Variants in SLC29A4 observed in about 807,000 individuals in gnomAD.
SLC29A4 encodes equilibrative nucleoside transporter 4.
In SLC29A4, 36 loss-of-function variants were observed where a neutral mutation model predicts 43.9. The observed-to-expected ratio is 0.82, with a 90% CI of 0.63 to 1.08. SLC29A4 has a LOEUF of 1.08. Among genes scored for constraint, SLC29A4 ranks in the 50% least tolerant of loss-of-function variants. SLC29A4 has a pLI of 0.00. For missense variants in SLC29A4, 869 were observed against 755.3 expected (o/e 1.15, Z -1.77); for synonymous variants, 491 against 338.0 (o/e 1.45, Z -4.97).
chr7:5,290,792 C>G lies in SLC29A4; in HGVS notation c.230C>G (p.Ala77Gly). The G allele has an allele frequency of 6.2e-7, 1 of 1,614,084 alleles. No individual in the cohort carries two copies. The highest frequency in any genetic ancestry group is 8.5e-7 in the Non-Finnish European group (1 of 1,179,970). The change falls in exon 3 of 11, where the codon GCT becomes GGT. Residue 77 changes from alanine (A) to glycine (G), a missense_variant. Physicochemically the swap from Ala to Gly is moderately conservative, Grantham distance 60. Transcript: ENST00000396872. ...YHAIYFAMLL[A>G]GVGFLLPYNS... ...GCCATCTACTTTGCGATGCTGCTGGCTGGCGTGGGCTTCCTGCTGCCATAC... is the reference window on the plus strand; with the variant it reads ...GCCATCTACTTTGCGATGCTGCTGGGTGGCGTGGGCTTCCTGCTGCCATAC...
chr7:5,290,826 C>T lies in SLC29A4; in HGVS notation c.264C>T (p.Phe88=), dbSNP rs1479729482. Residue 88 remains phenylalanine, a synonymous_variant, in exon 3 of 11, where the codon TTC becomes TTT. Transcript: ENST00000396872. ...GVGFLLPYNS[F]ITDVDYLHHK... The stretch of plus-strand genomic sequence containing the variant: ...GCTTCCTGCTGCCATACAACAGCTT[C>T]ATCACGGACGTGGACTACCTGCATC... The T allele has an allele frequency of 1.9e-6, 3 of 1,613,910 alleles. No homozygotes were observed. In the South Asian group the frequency reaches 3.3e-5, roughly 18 times the overall value.
In SLC29A4 at chr7:5,300,682, GGGGTGGGGGCGTCCTCCCAGCA is replaced by G. The variant is rs1234518599; in HGVS notation, c.1450+22_1450+43del. ...TGGCAGGTGAGGCCCGCGGGACGTGGGGGTGGGGGCGTCCTCCCAGCAGCGCAATGCCCCCCTCGCGAGGAAA... is the reference window on the plus strand; with the variant it reads ...TGGCAGGTGAGGCCCGCGGGACGTGGGCGCAATGCCCCCCTCGCGAGGAAA... On this transcript the variant is annotated intron_variant, in intron 10 of 10. Transcript: ENST00000396872. 6.2e-7 allele frequency: 1 copy of G among 1,601,270 alleles called. No individual in the cohort carries two copies. The highest frequency in any genetic ancestry group is 1.3e-5 in the African/African-American group (1 of 74,678).
intron 10 of SLC29A4, among the ~76,000 whole-genome samples, chr7:5,301,724 C>A (rs528061084): frequency 6.6e-6 from 1 of 152,240 alleles, no homozygotes; most frequent in African/African-American, 2.4e-5. Context: ...GGACGGCAGC[C>A]CACAGGACCG....
rs777897750 is a variant in SLC29A4, at chr7:5,302,826, G to A, written c.1480G>A (p.Gly494Arg). 2 of 1,571,602 alleles carry A rather than the reference G, an allele frequency of 1.3e-6. No homozygotes were observed. Among genetic ancestry groups the A allele is most frequent in the East Asian group, 4.7e-5 (2 of 42,384 alleles). The change falls in exon 11 of 11, where the codon GGG (glycine) becomes AGG (arginine). Residue 494 changes from glycine (G) to arginine (R), a missense_variant. Coordinates refer to ENST00000396872, the MANE Select transcript of SLC29A4 (RefSeq NM_153247.4). The stretch of plus-strand genomic sequence containing the variant: ...CACCATGACCGTGTCCTACATGTCA[G>A]GGCTGACGCTGGGGTCCGCCGTGGC... ...GNTMTVSYMS[G>R]LTLGSAVAYC...
chr7:5,286,487 C>T (rs1784956158), intron 1 of SLC29A4, among the ~76,000 whole-genome samples: 1 of 150,166 alleles, frequency 6.7e-6, no homozygotes, highest in South Asian at 2.1e-4. Flanking sequence ...TGCTCCACTG[C>T]ACTCCAGCCT....
chr7:5,302,660 C>G, intron 10 of SLC29A4, 137 bp from the exon 11 acceptor site: 1 of 827,046 alleles, frequency 1.2e-6, no homozygotes, highest in South Asian at 1.8e-5. Context: ...AGGGTGCTCC[C>G]AGGAGGAGCG....
intron 2 of SLC29A4, among the ~76,000 whole-genome samples, chr7:5,290,351 C>T (rs1054576885): frequency 1.4e-4 from 22 of 152,186 alleles, no homozygotes; most frequent in African/African-American, 3.9e-4. Context: ...TTGTGAGCCA[C>T]GGCGCCTGGC....
rs565740532 is a variant in SLC29A4 at position 5,300,754 on chromosome 7, C to G, written c.1450+92C>G. ...ACCCAGGCTAGACCGCAGGAAGGTGCATTTGGGTTCCGGGGGTTCAGAACA... is the reference window on the plus strand; with the variant it reads ...ACCCAGGCTAGACCGCAGGAAGGTGGATTTGGGTTCCGGGGGTTCAGAACA... On this transcript the variant is annotated intron_variant, in intron 10 of 10. Transcript: ENST00000396872. The G allele has an allele frequency of 4.7e-6, 7 of 1,503,118 alleles. No individual in the cohort carries two copies. The East Asian group carries it at 1.7e-4, about 36-fold the overall frequency. The allele number at this position is 1,503,118 out of a possible 1,614,324, so 93.1% of individuals were successfully genotyped here.
chr7:5,287,063 C>T (rs193286982), intron 1 of SLC29A4, among the ~76,000 whole-genome samples: 6 of 152,308 alleles, frequency 3.9e-5, no homozygotes, highest in African/African-American at 1.4e-4. Flanking sequence ...AGTCTCTGAG[C>T]CATTCTCCTC....
chr7:5,300,601 C>T lies in SLC29A4; in HGVS notation c.1389C>T (p.Phe463=), dbSNP rs143356600. The change falls in exon 10 of 11, where the codon TTC becomes TTT. Residue 463 remains phenylalanine, a synonymous_variant. Transcript: ENST00000396872. ...SLLMGISNGY[F]GSVPMILAAG... is the part of the protein sequence containing the mutation. ...TCATGGGCATCAGCAACGGCTACTTCGGCAGCGTGCCCATGATCCTGGCGG... is the reference window on the plus strand; with the variant it reads ...TCATGGGCATCAGCAACGGCTACTTTGGCAGCGTGCCCATGATCCTGGCGG... The T allele has an allele frequency of 7.8e-5, 125 of 1,610,944 alleles. No individual in the cohort carries two copies. In the African/African-American group the frequency reaches 1.1e-3, roughly 14 times the overall value.
chr7:5,287,588 G>A (rs1282894438), intron 1 of SLC29A4, among the ~76,000 whole-genome samples: 1 of 152,222 alleles, frequency 6.6e-6, no homozygotes, highest in African/African-American at 2.4e-5. Flanking sequence ...CTTGCCTAAG[G>A]TCACACAGCT....
intron 1 of SLC29A4, among the ~76,000 whole-genome samples, chr7:5,284,634 C>T (rs151091804): frequency 3.3e-3 from 504 of 152,148 alleles, no homozygotes; most frequent in Middle Eastern, 0.017. Flanking sequence ...TTCCCTGGGG[C>T]GCAGTAGGCT....
chr7:5,300,945 G>A (rs1365623242), intron 10 of SLC29A4, among the ~76,000 whole-genome samples: 1 of 152,154 alleles, frequency 6.6e-6, no homozygotes, highest in East Asian at 1.9e-4. Context: ...CCCGTGCTGT[G>A]GGACTGACTG....
At chr7:5,295,692 C>T (rs571274539) in intron 6 of SLC29A4, among the ~76,000 whole-genome samples, 2 of 132,166 alleles carry the variant, frequency 1.5e-5, no homozygotes, top group East Asian at 4.1e-4. Flanking sequence ...TTGGCCCTGG[C>T]TCGTTTCTCC....
rs902186140 is a variant in SLC29A4, at chr7:5,306,815, CTTT to C, written c.*3883_*3885del. On this transcript the variant is annotated 3_prime_UTR_variant, in exon 11 of 11. Coordinates refer to ENST00000396872, the MANE Select transcript of SLC29A4 (RefSeq NM_153247.4). Reference sequence around the variant, plus strand: ...TTTTATTTTTCCAATTAAATCTTTTCTTTTTTTTTATGAAAAAAGATCACACAG... The same window carrying C: ...TTTTATTTTTCCAATTAAATCTTTTCTTTTTTATGAAAAAAGATCACACAG... 1 of 150,990 alleles carries C rather than the reference CTTT, an allele frequency of 6.6e-6. No individual in the cohort carries two copies. Among genetic ancestry groups the C allele is most frequent in the Non-Finnish European group, 1.5e-5 (1 of 67,754 alleles). The allele number at this position is 150,990 out of a possible 1,614,324, so 9.4% of individuals were successfully genotyped here. A position where few individuals can be genotyped will look rare whatever the true frequency, so the allele number is the denominator to read the frequency against.
chr7:5,284,038 C>CG (rs958269182), intron 1 of SLC29A4, among the ~76,000 whole-genome samples: 2 of 108,436 alleles, frequency 1.8e-5, no homozygotes, highest in African/African-American at 6.3e-5. Flanking sequence ...CACGACCCCC[C>CG]CCCCCACCCC....
At position 5,288,622 on chromosome 7, in the gene SLC29A4, C is replaced by T. The variant is rs371253604; in HGVS notation, c.169+637C>T. ...CCCATAAAGCTTCTATCTGGAGTGA[C>T]ACATGTCACTTTGGTCACACTCGTT... On this transcript the variant is annotated intron_variant, in intron 2 of 10. Coordinates refer to ENST00000396872, the MANE Select transcript of SLC29A4 (RefSeq NM_153247.4). Among the ~76,000 whole-genome samples, 14 of 151,998 alleles carry T rather than the reference C, an allele frequency of 9.2e-5. No homozygotes were observed. The South Asian group carries it at 1.7e-3, about 18-fold the overall frequency.
At position 5,300,406 on chromosome 7, in the gene SLC29A4, G is replaced by T. The variant is rs1448941170; in HGVS notation, c.1210-16G>T. On this transcript the variant is annotated splice_polypyrimidine_tract_variant and intron_variant, in intron 9 of 10. Transcript: ENST00000396872. ...TGTGGCCGGGACAGGGCGCCCACTT[G>T]CCTGGCTCTCTGCAGATCCTGGCAG... 1.2e-6 allele frequency: 2 copies of T among 1,610,698 alleles called. No individual in the cohort carries two copies. Among genetic ancestry groups the T allele is most frequent in the Non-Finnish European group, 1.7e-6 (2 of 1,179,636 alleles).
In SLC29A4 at chr7:5,287,711, A is replaced by G. The variant is rs567494543; in HGVS notation, c.-8-98A>G. 8 of 1,249,142 alleles carry G rather than the reference A, an allele frequency of 6.4e-6. No homozygotes were observed. The South Asian group carries it at 1.2e-4, about 18-fold the overall frequency. 77.4% of individuals were successfully genotyped at this position (1,249,142 alleles called of 1,614,324 possible). On this transcript the variant is annotated intron_variant, in intron 1 of 10. Coordinates refer to ENST00000396872, the MANE Select transcript of SLC29A4 (RefSeq NM_153247.4). ...GGCCAACGAGTGTGACCAAAGTGAC[A>G]TGTGTCACTCCAGGTAGAAGCTTTA... is the stretch of plus-strand genomic sequence containing the variant.
Sources: gnomAD v4.1 joint callset for allele counts (sites outside exome capture counted in the v4.1 genomes callset) on GRCh38, gnomAD v4.1.1 for gene constraint, MANE v1.5 for transcripts, NCBI Gene and HGNC (gene_info 2026-07-23, HGNC 2026-07-21) for gene names.